Variants in MVD observed in about 807,000 individuals in gnomAD.
MVD encodes the protein mevalonate diphosphate decarboxylase, also known as diphosphomevalonate decarboxylase.
Under a neutral mutation model 42.4 loss-of-function variants are expected in MVD, and 52 were observed. The ratio of observed to expected loss-of-function variants is 1.23; its 90% CI spans 0.98 to 1.55. The LOEUF is 1.55. MVD is among the 40% of genes most tolerant of loss of function. The pLI is 0.00. For missense variants in MVD, 663 were observed against 572.1 expected (o/e 1.16, Z -1.62); for synonymous variants, 287 against 243.2 (o/e 1.18, Z -1.68).
rs549112870 is a variant in MVD at position 88,657,382 on chromosome 16, A to G, written c.403+54T>C. ...GCTCCCTGACCCGGGAAGAGCATGA[A>G]GTGGCTCCTGCGCCCACAGCCCAGA... On this transcript the variant is annotated intron_variant, in intron 4 of 9. Coordinates refer to ENST00000301012, the MANE Select transcript of MVD (RefSeq NM_002461.3). 134 of 1,541,040 alleles carry G rather than the reference A, an allele frequency of 8.7e-5. No homozygotes were observed. In the East Asian group the frequency reaches 3.2e-3, roughly 37 times the overall value.
rs1907628089 is a variant in MVD, at chr16:88,652,472, G to A, written c.*53C>T. 2 of 1,537,564 alleles carry A rather than the reference G, an allele frequency of 1.3e-6. No homozygotes were observed. Among genetic ancestry groups the A allele is most frequent in the Non-Finnish European group, 1.8e-6 (2 of 1,135,680 alleles). On this transcript the variant is annotated 3_prime_UTR_variant, in exon 10 of 10. Coordinates refer to ENST00000301012, the MANE Select transcript of MVD (RefSeq NM_002461.3). ...GCCAGCCCACCACATCCGCTCCCTA[G>A]CTCCGGCGAGGCCACCCCTTCTCCA...
intron 1 of MVD, chr16:88,658,954 C>G: frequency 3.7e-6 from 2 of 541,520 alleles, no homozygotes; most frequent in South Asian, 4.0e-5. Context: ...TCCGTCCCCG[C>G]TCCCCATTCC....
chr16:88,652,988 G>C (rs1907673540), intron 9 of MVD, among the ~76,000 whole-genome samples: 1 of 151,988 alleles, frequency 6.6e-6, no homozygotes, highest in Admixed American at 6.5e-5. Context: ...GGGTGGGGGG[G>C]TCCCAGGGAC....
At chr16:88,658,381 G>A (rs1044852368) in intron 2 of MVD, among the ~76,000 whole-genome samples, 4 of 152,194 alleles carry the variant, frequency 2.6e-5, no homozygotes, top group Non-Finnish European at 5.9e-5. Context: ...CGTGCTGGCT[G>A]GGAGTCGTCG....
intron 1 of MVD, 138 bp downstream of exon 1, chr16:88,662,873 C>T: frequency 6.9e-7 from 1 of 1,450,270 alleles, no homozygotes; most frequent in Non-Finnish European, 9.0e-7. Context: ...CGCCGCGCCC[C>T]TCCCTGAGCC....
chr16:88,653,237 G>T, intron 9 of MVD, 63 bp downstream of exon 9: 1 of 1,367,504 alleles, frequency 7.3e-7, no homozygotes, highest in Non-Finnish European at 1.0e-6. Flanking sequence ...GGCCCTGGGG[G>T]CTGGGCGGGC....
intron 2 of MVD, 72 bp from the exon 3 acceptor site, chr16:88,658,101 CT>C (rs1908057724): frequency 2.1e-6 from 3 of 1,450,118 alleles, no homozygotes; most frequent in Non-Finnish European, 1.9e-6. Context: ...CCCCTTTCTA[CT>C]GAGAGAGCCT....
At chr16:88,658,851 T>C (rs1393613976) in intron 1 of MVD, 131 bp from the exon 2 acceptor site, 2 of 671,452 alleles carry the variant, frequency 3.0e-6, no homozygotes, top group East Asian at 3.1e-5. Flanking sequence ...GCACAACCTG[T>C]GTGCCCCTCC....
Position 88,654,687 on chromosome 16 carries a change from C to A in MVD, c.1013+5G>T, listed in dbSNP as rs750734627. On this transcript the variant is annotated splice_donor_5th_base_variant and intron_variant, in intron 8 of 9. Coordinates refer to ENST00000301012, the MANE Select transcript of MVD (RefSeq NM_002461.3). ...AAAAGGAGGAGGGGCGGGGTCCACA[C>A]TCACGTGTCTCCATTCGAGCCTGGG... is the stretch of plus-strand genomic sequence containing the variant. 2 of 1,594,012 alleles carry A rather than the reference C, an allele frequency of 1.3e-6. No individual in the cohort carries two copies. Among genetic ancestry groups the A allele is most frequent in the Admixed American group, 1.8e-5 (1 of 55,272 alleles).
At chr16:88,655,984 C>T in intron 5 of MVD, 121 bp downstream of exon 5, 1 of 1,351,790 alleles carries the variant, frequency 7.4e-7, no homozygotes, top group Non-Finnish European at 1.0e-6. Flanking sequence ...TCCTTCAGCC[C>T]CCGCTGACCC....
chr16:88,662,712 G>C (rs946643324), intron 1 of MVD: 21 of 1,412,202 alleles, frequency 1.5e-5, no homozygotes, highest in Admixed American at 2.4e-5. Flanking sequence ...GGATTCTTAC[G>C]ATTCATGGGA....
In MVD at chr16:88,654,760, C is replaced by A. The variant is rs752641851; in HGVS notation, c.945G>T (p.Leu315=). The change falls in exon 8 of 10, where the codon CTG becomes CTT. Residue 315 remains leucine, a synonymous_variant. Transcript: ENST00000301012. ...CCACAAACTCAGCCACAGTGTCGTCCAGGGTGAAGATCACGGCATTGGGGC... is the reference window on the plus strand; with the variant it reads ...CCACAAACTCAGCCACAGTGTCGTCAAGGGTGAAGATCACGGCATTGGGGC... ...DAGPNAVIFT[L]DDTVAEFVAA... The A allele has an allele frequency of 6.2e-7, 1 of 1,600,850 alleles. No individual in the cohort carries two copies. The highest frequency in any genetic ancestry group is 8.5e-7 in the Non-Finnish European group (1 of 1,175,832).
Position 88,657,462 on chromosome 16 carries a change from G to A in MVD, c.377C>T (p.Ser126Phe), listed in dbSNP as rs1186810845. 5 of 1,611,476 alleles carry A rather than the reference G, an allele frequency of 3.1e-6. No homozygotes were observed. Among genetic ancestry groups the A allele is most frequent in the Admixed American group, 3.3e-5 (2 of 59,888 alleles). The change falls in exon 4 of 10, where the codon TCC (serine) becomes TTC (phenylalanine). Residue 126 changes from serine to phenylalanine, a missense_variant. Coordinates refer to ENST00000301012, the MANE Select transcript of MVD (RefSeq NM_002461.3). ...TAGGCAGGCATAGCCCGCCGCTGAGGAGGCCAGGCCCGCAGCCGTGGGGAA... is the reference window on the plus strand; with the variant it reads ...TAGGCAGGCATAGCCCGCCGCTGAGAAGGCCAGGCCCGCAGCCGTGGGGAA... ...NNFPTAAGLA[S>F]SAAGYACLAY...
rs1201311812 is a variant in MVD, at chr16:88,653,359, G to A, written c.1063C>T (p.Gln355Ter). The A allele has an allele frequency of 1.9e-6, 3 of 1,599,148 alleles. No individual in the cohort carries two copies. The highest frequency in any genetic ancestry group is 1.4e-5 in the African/African-American group (1 of 73,648). ...VRPAPLSAEL[Q>*]AALAMEPTPG... ...GTCGGCTCCATGGCCAGCGCAGCCT[G>A]AAGCTCAGCTGAGAGAGGGGCCGGC... The change falls in exon 9 of 10, where the codon CAG becomes TAG. Residue 355 changes from glutamine to a stop codon, truncating the protein, a stop_gained. Coordinates refer to ENST00000301012, the MANE Select transcript of MVD (RefSeq NM_002461.3). LOFTEE classifies it high-confidence loss of function.
chr16:88,651,985 G>A lies in MVD; in HGVS notation c.*540C>T, dbSNP rs141242477. The A allele has an allele frequency of 2.6e-5, 5 of 191,362 alleles. No homozygotes were observed. Among genetic ancestry groups the A allele is most frequent in the South Asian group, 7.1e-5 (1 of 14,060 alleles). 11.9% of individuals were successfully genotyped at this position (191,362 alleles called of 1,614,324 possible). On this transcript the variant is annotated 3_prime_UTR_variant, in exon 10 of 10. Transcript: ENST00000301012. Reference sequence around the variant, plus strand: ...CCCCATGGCCACCGGGGCCGCACTGGTGCCCACTCCTGCCACCATTCCAGC... The same window carrying A: ...CCCCATGGCCACCGGGGCCGCACTGATGCCCACTCCTGCCACCATTCCAGC...
Position 88,652,015 on chromosome 16 carries a change from C to T in MVD, c.*510G>A, listed in dbSNP as rs1017631572. The T allele has an allele frequency of 6.3e-5, 13 of 205,938 alleles. No homozygotes were observed. Among genetic ancestry groups the T allele is most frequent in the African/African-American group, 9.5e-5 (4 of 41,956 alleles). The allele number at this position is 205,938 out of a possible 1,614,324, so 12.8% of individuals were successfully genotyped here. A position where few individuals can be genotyped will look rare whatever the true frequency, so the allele number is the denominator to read the frequency against. On this transcript the variant is annotated 3_prime_UTR_variant, in exon 10 of 10. Coordinates refer to ENST00000301012, the MANE Select transcript of MVD (RefSeq NM_002461.3). Reference sequence around the variant, plus strand: ...CACTCCTGCCACCATTCCAGCCACACCCAGGCCGTGGGCAGCCACCCTCCG... The same window carrying T: ...CACTCCTGCCACCATTCCAGCCACATCCAGGCCGTGGGCAGCCACCCTCCG...
At chr16:88,655,950 C>T (rs1597378942) in intron 5 of MVD, 155 bp downstream of exon 5, 10 of 1,204,112 alleles carry the variant, frequency 8.3e-6, no homozygotes, top group Middle Eastern at 5.7e-4. Flanking sequence ...GGAGCGGTTC[C>T]TGAGCACTCA....
Position 88,655,404 on chromosome 16 carries a change from G to A in MVD, c.692C>T (p.Ser231Phe). 1 of 1,577,640 alleles carries A rather than the reference G, an allele frequency of 6.3e-7. No homozygotes were observed. Among genetic ancestry groups the A allele is most frequent in the Non-Finnish European group, 8.6e-7 (1 of 1,165,334 alleles). ...TSPLLRFRAE[S>F]VVPARMAEMA... ...CTCCGCCATGCGCGCGGGCACCACGGACTCGGCCCGGAACTGCAAGGCACA... is the reference window on the plus strand; with the variant it reads ...CTCCGCCATGCGCGCGGGCACCACGAACTCGGCCCGGAACTGCAAGGCACA... Residue 231 changes from serine (S) to phenylalanine (F), a missense_variant, in exon 7 of 10, where the codon TCC becomes TTC. By Grantham distance (155) the Ser-to-Phe change is radical. Coordinates refer to ENST00000301012, the MANE Select transcript of MVD (RefSeq NM_002461.3).
At chr16:88,655,571 C>T in intron 6 of MVD, 85 bp downstream of exon 6, 1 of 1,524,640 alleles carries the variant, frequency 6.6e-7, no homozygotes, top group Non-Finnish European at 8.8e-7. Flanking sequence ...GGTGTGAGAA[C>T]ACTCGGGCCC....
Sources: allele counts gnomAD v4.1 joint callset (sites outside exome capture counted in the v4.1 genomes callset), GRCh38; gene constraint gnomAD v4.1.1; transcripts MANE v1.5; gene names NCBI Gene and HGNC (gene_info 2026-07-23, HGNC 2026-07-21).